Variants in URB1 observed in about 807,000 individuals in gnomAD.
URB1 encodes the protein nucleolar pre-ribosomal-associated protein 1.
In URB1, 197 loss-of-function variants were observed where a neutral mutation model predicts 242.3. The ratio of observed to expected loss-of-function variants is 0.81; its 90% CI spans 0.72 to 0.91. URB1 has a LOEUF of 0.91. Ranked by LOEUF, URB1 falls within the 40% of genes least tolerant of loss-of-function variation. URB1 has a pLI of 0.00. For synonymous variants in URB1, 1,153 were observed against 1,201.8 expected, an observed-to-expected ratio of 0.96 and a Z score of 0.84; for missense variants, 2,721 against 2,860.5, an observed-to-expected ratio of 0.95 and a Z score of 1.11.
At chr21:32,368,166 C>T (rs557244525) in intron 9 of URB1, among the ~76,000 whole-genome samples, 2 of 152,266 alleles carry the variant, frequency 1.3e-5, no homozygotes, top group South Asian at 4.1e-4. Flanking sequence ...CTCCCAGGTT[C>T]AAGTAATTCT....
chr21:32,369,057 T>C (rs953893335), intron 8 of URB1, among the ~76,000 whole-genome samples: 9 of 148,106 alleles, frequency 6.1e-5, no homozygotes, highest in African/African-American at 2.1e-4. Context: ...AAAAGCACTA[T>C]GTAGGGCTGG....
In URB1 at chr21:32,344,615, A is replaced by G; in HGVS notation, c.4212T>C (p.Thr1404=). ...FSGGQQDDDN[T]QNQEKEMLLR... The stretch of plus-strand genomic sequence containing the variant: ...GCAGCATTTCCTTCTCCTGATTCTG[A>G]GTATTATCATCATCTTGCTGTCCAC... The change falls in exon 24 of 39, where the codon ACT becomes ACC. Residue 1404 remains threonine (T), a synonymous_variant. Transcript: ENST00000382751. 1 of 1,552,398 alleles carries G rather than the reference A, an allele frequency of 6.4e-7. No individual in the cohort carries two copies.
intron 1 of URB1, among the ~76,000 whole-genome samples, chr21:32,387,383 C>T (rs2033594695): frequency 6.6e-6 from 1 of 152,168 alleles, no homozygotes; most frequent in Non-Finnish European, 1.5e-5. Flanking sequence ...CGTGCCACTG[C>T]ACTCTAGCCT....
At chr21:32,315,125 T>C in intron 38 of URB1, 26 bp from the exon 39 acceptor site, 2 of 1,488,858 alleles carry the variant, frequency 1.3e-6, no homozygotes, top group South Asian at 1.3e-5. Flanking sequence ...GGATAGGCCA[T>C]TAGGATGCAC....
At chr21:32,332,208 G>A (rs539591233) in intron 30 of URB1, among the ~76,000 whole-genome samples, 1 of 152,142 alleles carries the variant, frequency 6.6e-6, no homozygotes, top group East Asian at 1.9e-4. Flanking sequence ...AGTAAAACTA[G>A]AAACTTTTAG....
Position 32,346,969 on chromosome 21 carries a change from T to C in URB1, c.3855A>G (p.Thr1285=). ...YLQCRTRSHF[T]RPAGVSSAVI... Reference sequence around the variant, plus strand: ...CCTTTCCCTTACCTCCTGCTGGGCGTGTGAAGTGGCTCCGTGTCCTGCACT... The same window carrying C: ...CCTTTCCCTTACCTCCTGCTGGGCGCGTGAAGTGGCTCCGTGTCCTGCACT... The change falls in exon 22 of 39, where the codon ACA becomes ACG. Residue 1285 remains threonine (T), a synonymous_variant. Transcript: ENST00000382751. The C allele has an allele frequency of 2.0e-6, 3 of 1,512,196 alleles. No individual in the cohort carries two copies. Among genetic ancestry groups the C allele is most frequent in the Non-Finnish European group, 2.7e-6 (3 of 1,120,508 alleles). The allele number at this position is 1,512,196 out of a possible 1,614,324, so 93.7% of individuals were successfully genotyped here.
rs1363892806 is a variant in URB1 at position 32,366,742 on chromosome 21, T to C, written c.1211A>G (p.Gln404Arg). The C allele has an allele frequency of 6.4e-7, 1 of 1,551,568 alleles. No individual in the cohort carries two copies. The highest frequency in any genetic ancestry group is 2.0e-5 in the Admixed American group (1 of 51,000). ...IKLLNKIYEA[Q>R]PEISRAFQTR... Reference sequence around the variant, plus strand: ...CTGAAATGCCCGGGAAATCTCCGGCTGAGCCTCATAGATCTAGGAAAAGCA... The same window carrying C: ...CTGAAATGCCCGGGAAATCTCCGGCCGAGCCTCATAGATCTAGGAAAAGCA... The change falls in exon 10 of 39, where the codon CAG (glutamine) becomes CGG (arginine). Residue 404 changes from glutamine (Q) to arginine (R), a missense_variant. Transcript: ENST00000382751.
At position 32,384,399 on chromosome 21, in the gene URB1, G is replaced by A; in HGVS notation, c.348C>T (p.Phe116=). ...TCACAATGTTGGTTCCCACAACATG[G>A]AAATGTGAAAGATCACTTGCTGTCC... The part of the protein sequence containing the change: ...LLRTASDLSH[F]HVVGTNIVKK... Residue 116 remains phenylalanine, a synonymous_variant, in exon 3 of 39, where the codon TTC becomes TTT. Coordinates refer to ENST00000382751, the MANE Select transcript of URB1 (RefSeq NM_014825.3). The A allele has an allele frequency of 6.4e-7, 1 of 1,552,198 alleles. No individual in the cohort carries two copies. The highest frequency in any genetic ancestry group is 8.7e-7 in the Non-Finnish European group (1 of 1,147,072).
intron 15 of URB1, among the ~76,000 whole-genome samples, chr21:32,357,248 T>G (rs2033231323): frequency 6.7e-6 from 1 of 150,154 alleles, no homozygotes; most frequent in African/African-American, 2.5e-5. Context: ...AAAGAGGCAC[T>G]GCCTAATAAA....
chr21:32,346,842 A>G, intron 22 of URB1, 114 bp downstream of exon 22: 1 of 1,392,652 alleles, frequency 7.2e-7, no homozygotes, highest in Non-Finnish European at 9.5e-7. Flanking sequence ...GACACTGGAA[A>G]CTAACCCACA....
At chr21:32,363,389 A>G in intron 10 of URB1, 60 bp from the exon 11 acceptor site, 2 of 1,512,802 alleles carry the variant, frequency 1.3e-6, no homozygotes, top group South Asian at 1.3e-5. Context: ...TTGCTAAGCT[A>G]TGGGCTTGGC....
Position 32,325,403 on chromosome 21 carries a change from A to C in URB1, c.4961-14T>G, listed in dbSNP as rs1025724436. 6 of 1,545,180 alleles carry C rather than the reference A, an allele frequency of 3.9e-6. No individual in the cohort carries two copies. The highest frequency in any genetic ancestry group is 5.3e-6 in the Non-Finnish European group (6 of 1,141,700). ...CCACCACAAACTCTGCAGGAAATGA[A>C]ATACAGCATGAAACACACACAATAT... On this transcript the variant is annotated splice_polypyrimidine_tract_variant and intron_variant, in intron 30 of 38. Transcript: ENST00000382751.
At chr21:32,352,677 G>A in intron 19 of URB1, 33 bp downstream of exon 19, 1 of 1,548,724 alleles carries the variant, frequency 6.5e-7, no homozygotes, top group East Asian at 2.4e-5. Flanking sequence ...ACCCTGCACA[G>A]CAGCAGTGAC....
rs1026746918 is a variant in URB1 at position 32,315,240 on chromosome 21, C to T, written c.6635-141G>A. 19 of 633,956 alleles carry T rather than the reference C, an allele frequency of 3.0e-5. No homozygotes were observed. The Middle Eastern group carries it at 1.6e-3, about 53-fold the overall frequency. 39.3% of individuals were successfully genotyped at this position (633,956 alleles called of 1,614,324 possible). A position where few individuals can be genotyped will look rare whatever the true frequency, so the allele number is the denominator to read the frequency against. On this transcript the variant is annotated intron_variant, in intron 38 of 38. Transcript: ENST00000382751. The stretch of plus-strand genomic sequence containing the variant: ...CCTGGGCAACCCAAGGTGAGCACAC[C>T]GATACAACAACTCACTCTGCCTTTG...
chr21:32,349,506 C>T, intron 20 of URB1, 23 bp from the exon 21 acceptor site: 9 of 1,527,062 alleles, frequency 5.9e-6, no homozygotes, highest in Non-Finnish European at 7.9e-6. Context: ...GAGCACGAGC[C>T]TCAGCAGGGA....
intron 29 of URB1, among the ~76,000 whole-genome samples, chr21:32,333,635 T>C (rs2032921578): frequency 6.6e-6 from 1 of 152,220 alleles, no homozygotes; most frequent in Non-Finnish European, 1.5e-5. Flanking sequence ...CAGGTAACTT[T>C]ATACAGGAAT....
rs752383708 is a variant in URB1, at chr21:32,314,952, C to G, written c.6782G>C (p.Cys2261Ser). The change falls in exon 39 of 39, where the codon TGC (cysteine) becomes TCC (serine). Residue 2261 changes from cysteine to serine, a missense_variant. Coordinates refer to ENST00000382751, the MANE Select transcript of URB1 (RefSeq NM_014825.3). ...TGAGGCTGCGCTGGCGGCGTCCTTG[C>G]AGAGCACCACGATGGCCTCCTCTTC... ...SSEEEAIVVL[C>S]KDAASAASDA 1 of 1,551,438 alleles carries G rather than the reference C, an allele frequency of 6.4e-7. No homozygotes were observed.
At chr21:32,349,683 A>T (rs2033134489) in intron 20 of URB1, among the ~76,000 whole-genome samples, 200 bp from the exon 21 acceptor site, 1 of 152,258 alleles carries the variant, frequency 6.6e-6, no homozygotes, top group African/African-American at 2.4e-5. Context: ...GCCTTGGTGA[A>T]ACACAAAGGT....
At chr21:32,362,685 A>C (rs1601146607) in intron 11 of URB1, among the ~76,000 whole-genome samples, 1 of 152,192 alleles carries the variant, frequency 6.6e-6, no homozygotes, top group Admixed American at 6.5e-5. Context: ...TGGGGCTCTC[A>C]GAGCAGCCGG....
Sources: allele counts gnomAD v4.1 joint callset (sites outside exome capture counted in the v4.1 genomes callset), GRCh38; gene constraint gnomAD v4.1.1; transcripts MANE v1.5; gene names NCBI Gene and HGNC (gene_info 2026-07-23, HGNC 2026-07-21).